AKR7A3: variants seen among roughly 807,000 people sequenced by gnomAD.
AKR7A3 encodes the protein aldo-keto reductase family 7 member A3.
A neutral mutation model predicts 32.5 loss-of-function variants in AKR7A3; 37 were observed. That is an observed-to-expected ratio of 1.14 (90% CI 0.88 to 1.50). The LOEUF (loss-of-function observed/expected upper bound fraction) is 1.50, where lower values mean the gene tolerates loss of function less well. Ranked by LOEUF, AKR7A3 falls within the 40% of genes most tolerant of loss-of-function variation. AKR7A3 has a pLI of 0.00. For synonymous variants in AKR7A3, 177 were observed against 188.4 expected (o/e 0.94, Z 0.50); for missense variants, 412 against 453.2 (o/e 0.91, Z 0.83).
intron 3 of AKR7A3, 133 bp from the exon 4 acceptor site, chr1:19,285,247 A>T (rs535199403): frequency 3.3e-5 from 28 of 839,692 alleles, no homozygotes; most frequent in African/African-American, 2.3e-4. Context: ...TACTTATTCT[A>T]ACTGGTGCTG....
chr1:19,288,300 G>A (rs1205735834), intron 1 of AKR7A3, among the ~76,000 whole-genome samples, 196 bp downstream of exon 1: 4 of 150,478 alleles, frequency 2.7e-5, no homozygotes, highest in Non-Finnish European at 4.4e-5. Flanking sequence ...AAGAGAAGAC[G>A]AGAGAAAAGT....
downstream of AKR7A3, among the ~76,000 whole-genome samples, chr1:19,279,753 C>A (rs7528873): frequency 0.031 from 4,676 of 151,844 alleles, 344 homozygotes; most frequent in African/African-American, 0.11. Context: ...ATCCTTTGTT[C>A]ATTTTTCAAT....
At chr1:19,277,256 G>GTAAA in the AKR7A3 span, among the ~76,000 whole-genome samples, 14 of 151,728 alleles carry the variant, frequency 9.2e-5, no homozygotes, top group African/African-American at 3.2e-4. Context: ...AAGTAAATAG[G>GTAAA]TAAATAAATA....
In AKR7A3 at chr1:19,282,910, A is replaced by G; in HGVS notation, c.835-18T>C. On this transcript the variant is annotated intron_variant, in intron 6 of 6. Coordinates refer to ENST00000361640, the MANE Select transcript of AKR7A3 (RefSeq NM_012067.3). Reference sequence around the variant, plus strand: ...TGGGCACCCTGCAAGGGAGACGGCCAGACTTCAACCCTCTTCTGCTGCACA... The same window carrying G: ...TGGGCACCCTGCAAGGGAGACGGCCGGACTTCAACCCTCTTCTGCTGCACA... 6 of 1,605,676 alleles carry G rather than the reference A, an allele frequency of 3.7e-6. No individual in the cohort carries two copies. The highest frequency in any genetic ancestry group is 4.3e-6 in the Non-Finnish European group (5 of 1,173,712).
At chr1:19,284,896 A>G in intron 4 of AKR7A3, 111 bp from the exon 5 acceptor site, 2 of 1,568,860 alleles carry the variant, frequency 1.3e-6, no homozygotes, top group South Asian at 2.2e-5. Context: ...CTGAAGATGC[A>G]GCCTTTACGT....
chr1:19,283,453 A>G (rs1387705466), intron 6 of AKR7A3, among the ~76,000 whole-genome samples: 2 of 152,000 alleles, frequency 1.3e-5, no homozygotes, highest in Non-Finnish European at 2.9e-5. Context: ...ACACTGGGAT[A>G]GTCATTTCAT....
At chr1:19,280,106 A>G (rs2093716626), downstream of AKR7A3, among the ~76,000 whole-genome samples, 2 of 151,792 alleles carry the variant, frequency 1.3e-5, no homozygotes, top group Non-Finnish European at 2.9e-5. Context: ...GTGGGTTGTC[A>G]TTTCACTTTC....
rs759043700 is a variant in AKR7A3, at chr1:19,283,544, A to G, written c.834+452T>C. ...ACTCAGATACCATCAAAGACCAATG[A>G]GAAGGCCGAGCGCAGGGGCTCACGC... is the stretch of plus-strand genomic sequence containing the variant. On this transcript the variant is annotated intron_variant, in intron 6 of 6. Transcript: ENST00000361640. Among the ~76,000 whole-genome samples the G allele has an allele frequency of 3.1e-4, 47 of 152,158 alleles. 1 individual carries two copies. Among genetic ancestry groups the G allele is most frequent in the Non-Finnish European group, 4.9e-4 (33 of 68,028 alleles).
At chr1:19,283,627 T>G (rs963928598) in intron 6 of AKR7A3, among the ~76,000 whole-genome samples, 1 of 151,912 alleles carries the variant, frequency 6.6e-6, no homozygotes, top group African/African-American at 2.4e-5. Context: ...TTCAGGAATT[T>G]GAGACCAGCC....
At position 19,284,115 on chromosome 1, in the gene AKR7A3, C is replaced by T. The variant is rs370516171; in HGVS notation, c.715G>A (p.Glu239Lys). Residue 239 changes from glutamate (E) to lysine (K), a missense_variant, in exon 6 of 7, where the codon GAG becomes AAG. Glu to Lys is a moderately conservative substitution (Grantham distance 56). Transcript: ENST00000361640. ...AEMYRNRYWKEHHFEGIALVE... is the reference protein window; with the variant it reads ...AEMYRNRYWKKHHFEGIALVE... Reference sequence around the variant, plus strand: ...AGGGCAATGCCCTCAAAGTGGTGCTCCTTCCAGTAGCTGGGAAGGGGGGAC... The same window carrying T: ...AGGGCAATGCCCTCAAAGTGGTGCTTCTTCCAGTAGCTGGGAAGGGGGGAC... 4.6e-5 allele frequency: 74 copies of T among 1,611,244 alleles called. No homozygotes were observed. The highest frequency in any genetic ancestry group is 6.0e-5 in the Non-Finnish European group (71 of 1,178,622).
downstream of AKR7A3, chr1:19,282,547 C>T (rs879118290): frequency 4.7e-5 from 47 of 1,010,618 alleles, no homozygotes; most frequent in South Asian, 2.3e-4. Flanking sequence ...TTTATAGCAA[C>T]GCAAACAGAC....
chr1:19,276,529 T>C, the AKR7A3 span, among the ~76,000 whole-genome samples: 2 of 150,948 alleles, frequency 1.3e-5, no homozygotes, highest in Non-Finnish European at 2.9e-5. Flanking sequence ...AGGCCGGGCA[T>C]GGTGGCTCAT....
At position 19,285,145 on chromosome 1, in the gene AKR7A3, T is replaced by G. The variant is rs760264266; in HGVS notation, c.508-31A>C. On this transcript the variant is annotated intron_variant, in intron 3 of 6. Transcript: ENST00000361640. ...AGGAGAGGGGCCCCGGGGGAGAGGGTGGATGTGTCAAAAGAAGAGACTTCA... is the reference window on the plus strand; with the variant it reads ...AGGAGAGGGGCCCCGGGGGAGAGGGGGGATGTGTCAAAAGAAGAGACTTCA... 12 of 1,604,844 alleles carry G rather than the reference T, an allele frequency of 7.5e-6. 1 individual carries two copies. The African/African-American group carries it at 1.1e-4, about 14-fold the overall frequency.
chr1:19,281,973 A>G (rs182734177), downstream of AKR7A3, among the ~76,000 whole-genome samples: 15 of 152,106 alleles, frequency 9.9e-5, no homozygotes, highest in Admixed American at 3.3e-4. Context: ...GTTTGATTAT[A>G]CAGGTTCATA....
Position 19,285,888 on chromosome 1 carries a change from C to T in AKR7A3, c.507G>A (p.Gln169=). The change falls in exon 3 of 7, where the codon CAG becomes CAA. Residue 169 remains glutamine (Q), a splice_region_variant and synonymous_variant. Coordinates refer to ENST00000361640, the MANE Select transcript of AKR7A3 (RefSeq NM_012067.3). ...TGGCCTCTGCAGCCCTGGCTCTCAC[C>T]TGGTACACAGTGGGCAGGATCCAGC... ...SNGWILPTVY[Q]GMYNAITRQV... is the part of the protein sequence containing the mutation. 6.2e-7 allele frequency: 1 copy of T among 1,613,660 alleles called. No homozygotes were observed. The highest frequency in any genetic ancestry group is 8.5e-7 in the Non-Finnish European group (1 of 1,179,868).
rs781051278 is a variant in AKR7A3 at position 19,285,150 on chromosome 1, GTGTCAAA to G, written c.508-43_508-37del. ...AGGGGCCCCGGGGGAGAGGGTGGATGTGTCAAAAGAAGAGACTTCAAAATTACCCTTC... is the reference window on the plus strand; with the variant it reads ...AGGGGCCCCGGGGGAGAGGGTGGATGAGAAGAGACTTCAAAATTACCCTTC... On this transcript the variant is annotated intron_variant, in intron 3 of 6. Transcript: ENST00000361640. The G allele has an allele frequency of 5.6e-6, 9 of 1,599,258 alleles. No individual in the cohort carries two copies. The African/African-American group carries it at 1.2e-4, about 22-fold the overall frequency.
At chr1:19,288,284 G>C (rs925227317) in intron 1 of AKR7A3, among the ~76,000 whole-genome samples, 1 of 146,374 alleles carries the variant, frequency 6.8e-6, no homozygotes, top group African/African-American at 2.5e-5. Context: ...GAAGAGAGAC[G>C]AACAGAAGAG....
chr1:19,285,250 TG>T, intron 3 of AKR7A3, 136 bp from the exon 4 acceptor site: 1 of 819,450 alleles, frequency 1.2e-6, no homozygotes, highest in Non-Finnish European at 1.9e-6. Context: ...TTATTCTAAC[TG>T]GTGCTGGTGA....
At position 19,283,116 on chromosome 1, in the gene AKR7A3, T is replaced by A. The variant is rs546236014; in HGVS notation, c.835-224A>T. Among the ~76,000 whole-genome samples the A allele has an allele frequency of 1.3e-4, 20 of 148,446 alleles. No homozygotes were observed. The East Asian group carries it at 3.7e-3, about 27-fold the overall frequency. On this transcript the variant is annotated intron_variant, in intron 6 of 6. Coordinates refer to ENST00000361640, the MANE Select transcript of AKR7A3 (RefSeq NM_012067.3). ...GACAGACCTACATTCACAGCCCAGT[T>A]CTGCCCCCCAGCAGCTGTGTAAACG...
Sources: allele counts gnomAD v4.1 joint callset (sites outside exome capture counted in the v4.1 genomes callset), GRCh38; gene constraint gnomAD v4.1.1; transcripts MANE v1.5; gene names NCBI Gene and HGNC (gene_info 2026-07-23, HGNC 2026-07-21).